The following AP2A2 variants were observed in gnomAD, a reference collection of about 807,000 sequenced individuals.
AP2A2 encodes AP-2 complex subunit alpha-2.
A neutral mutation model predicts 104.2 loss-of-function variants in AP2A2; 32 were observed. The ratio of observed to expected loss-of-function variants is 0.31; its 90% CI spans 0.23 to 0.41. AP2A2 has a LOEUF of 0.41. Ranked by LOEUF, AP2A2 falls within the 10% of genes least tolerant of loss-of-function variation. The probability of loss-of-function intolerance (pLI) is 1.00; values close to 1 mark genes in which losing one functional copy is unlikely to be tolerated. For missense variants in AP2A2, 912 were observed against 1,261.0 expected, an observed-to-expected ratio of 0.72 and a Z score of 4.19; for synonymous variants, 539 against 533.3, an observed-to-expected ratio of 1.01 and a Z score of -0.15.
At chr11:966,435 C>T (rs767414073) in intron 2 of AP2A2, among the ~76,000 whole-genome samples, 1 of 152,134 alleles carries the variant, frequency 6.6e-6, no homozygotes, top group Non-Finnish European at 1.5e-5. Context: ...GAGGTTGAGG[C>T]TGCAGTGAGC....
rs139564168 is a variant in AP2A2 at position 988,346 on chromosome 11, C to T, written c.1132-206C>T. Reference sequence around the variant, plus strand: ...TGGGTCCTAGCGAAGCTGGCCTGTGCGGGAGGGCCGGGCCAGCAGGCGGAA... The same window carrying T: ...TGGGTCCTAGCGAAGCTGGCCTGTGTGGGAGGGCCGGGCCAGCAGGCGGAA... On this transcript the variant is annotated intron_variant, in intron 9 of 21. Transcript: ENST00000448903. Among the ~76,000 whole-genome samples, 98 of 152,324 alleles carry T rather than the reference C, an allele frequency of 6.4e-4. 1 individual carries two copies. Among genetic ancestry groups the T allele is most frequent in the African/African-American group, 1.0e-3 (43 of 41,576 alleles).
intron 1 of AP2A2, among the ~76,000 whole-genome samples, chr11:935,603 G>GTTCTTTTTTTTTTTTTTTT (rs1853428531): frequency 1.3e-5 from 1 of 77,988 alleles, no homozygotes; most frequent in African/African-American, 4.7e-5. Context: ...TGCCCGGCCA[G>GTTCTTTTTTTTTTTTTTTT]TTTTTTTTTT....
intron 1 of AP2A2, among the ~76,000 whole-genome samples, chr11:928,757 G>A (rs913351964): frequency 6.6e-6 from 1 of 152,160 alleles, no homozygotes; most frequent in African/African-American, 2.4e-5. Context: ...TCCTAGCTGG[G>A]GGAGCCAGGT....
intron 14 of AP2A2, among the ~76,000 whole-genome samples, chr11:998,917 C>T (rs1182178404): frequency 6.6e-6 from 1 of 152,140 alleles, no homozygotes; most frequent in African/African-American, 2.4e-5. Flanking sequence ...TGGTCTCAAT[C>T]TTCTGACCTT....
chr11:1,004,017 C>T (rs751176458), intron 16 of AP2A2, among the ~76,000 whole-genome samples: 20 of 132,872 alleles, frequency 1.5e-4, no homozygotes, highest in Non-Finnish European at 2.6e-4. Context: ...GAGGGGGTGG[C>T]GGGGAGGTGG....
At chr11:930,580 G>A (rs932056797) in intron 1 of AP2A2, among the ~76,000 whole-genome samples, 1 of 151,848 alleles carries the variant, frequency 6.6e-6, no homozygotes, top group Non-Finnish European at 1.5e-5. Flanking sequence ...GAGTGCAGTG[G>A]CGCGATCTCG....
intron 1 of AP2A2, among the ~76,000 whole-genome samples, chr11:935,915 T>TC (rs961491910): frequency 1.3e-5 from 2 of 148,314 alleles, no homozygotes; most frequent in Admixed American, 6.7e-5. Flanking sequence ...TTTTTTTTTT[T>TC]CCCCCAGGCG....
At chr11:966,354 C>T (rs560054823) in intron 2 of AP2A2, among the ~76,000 whole-genome samples, 6 of 152,288 alleles carry the variant, frequency 3.9e-5, no homozygotes, top group South Asian at 4.1e-4. Context: ...AAAAATTAGC[C>T]GTGTGTGGTT....
chr11:992,661 C>T lies in AP2A2; in HGVS notation c.1428C>T (p.Gly476=). 1 of 1,613,928 alleles carries T rather than the reference C, an allele frequency of 6.2e-7. No homozygotes were observed. Among genetic ancestry groups the T allele is most frequent in the Non-Finnish European group, 8.5e-7 (1 of 1,179,894 alleles). Residue 476 remains glycine (G), a synonymous_variant, in exon 11 of 22, where the codon GGC becomes GGT. Coordinates refer to ENST00000448903, the MANE Select transcript of AP2A2 (RefSeq NM_012305.4). The surrounding 1 kb of genome is among the most constrained non-coding windows in gnomAD (Gnocchi z 6.4). ...QIVINRDDVQ[G]YAAKTVFEAL... ...TCATCAACCGGGACGACGTGCAGGG[C>T]TACGCGGCCAAGACTGTGTTCGAGG... is the stretch of plus-strand genomic sequence containing the variant.
At chr11:984,595 G>A in intron 6 of AP2A2, 50 bp from the exon 7 acceptor site, 3 of 1,477,398 alleles carry the variant, frequency 2.0e-6, no homozygotes, top group Non-Finnish European at 2.8e-6. Context: ...GGTCCCCGCA[G>A]TAGGGGCTCG....
Position 977,205 on chromosome 11 carries a change from T to A in AP2A2, c.584T>A (p.Leu195Gln), listed in dbSNP as rs1855075142. Residue 195 changes from leucine (L) to glutamine (Q), a missense_variant, in exon 5 of 22, where the codon CTG (leucine) becomes CAG (glutamine). By Grantham distance (113) the Leu-to-Gln change is moderately radical. Transcript: ENST00000448903. ...MGDWTSRVVH[L>Q]LNDQHLGVVT... ...GACTGGACATCCCGAGTGGTGCACCTGCTCAATGACCAGCACTTGGTAAGC... is the reference window on the plus strand; with the variant it reads ...GACTGGACATCCCGAGTGGTGCACCAGCTCAATGACCAGCACTTGGTAAGC... The A allele has an allele frequency of 6.2e-7, 1 of 1,605,484 alleles. No individual in the cohort carries two copies. Among genetic ancestry groups the A allele is most frequent in the African/African-American group, 1.3e-5 (1 of 74,696 alleles).
chr11:944,214 C>T (rs751248068), intron 1 of AP2A2, among the ~76,000 whole-genome samples: 6 of 152,162 alleles, frequency 3.9e-5, no homozygotes, highest in Non-Finnish European at 5.9e-5. Context: ...CTGGTGATCC[C>T]GTCGCTCAGG....
chr11:1,008,788 G>T (rs1238939636), intron 18 of AP2A2: 10 of 425,666 alleles, frequency 2.3e-5, no homozygotes, highest in Non-Finnish European at 4.2e-5. Context: ...TTGTGCAAAT[G>T]CCTTTGCCTT....
At chr11:979,018 A>G (rs946952997) in intron 5 of AP2A2, among the ~76,000 whole-genome samples, 1 of 151,946 alleles carries the variant, frequency 6.6e-6, no homozygotes. Context: ...AGGAGACACC[A>G]TGGGGAGAAG....
intron 16 of AP2A2, among the ~76,000 whole-genome samples, chr11:1,006,022 T>C (rs1856189527): frequency 6.6e-6 from 1 of 152,268 alleles, no homozygotes; most frequent in African/African-American, 2.4e-5. Context: ...TGAGGGCTAG[T>C]GTGCAACACC....
intron 1 of AP2A2, among the ~76,000 whole-genome samples, chr11:947,619 A>G (rs893464957): frequency 6.6e-6 from 1 of 151,870 alleles, no homozygotes; most frequent in African/African-American, 2.4e-5. Context: ...AACATGGCAA[A>G]ACCCCATCTC....
intron 15 of AP2A2, among the ~76,000 whole-genome samples, chr11:1,001,706 T>A (rs900718763): frequency 6.6e-5 from 10 of 151,970 alleles, no homozygotes; most frequent in African/African-American, 2.4e-4. Context: ...TGGCTGCTCC[T>A]CAGTGTCTTG....
At chr11:989,648 A>T (rs1181459794) in intron 10 of AP2A2, among the ~76,000 whole-genome samples, 2 of 152,220 alleles carry the variant, frequency 1.3e-5, no homozygotes, top group African/African-American at 4.8e-5. Context: ...GCTGAAGCTC[A>T]TCAAACCTGT....
intron 1 of AP2A2, among the ~76,000 whole-genome samples, chr11:952,645 T>A (rs1311017192): frequency 6.6e-6 from 1 of 152,166 alleles, no homozygotes; most frequent in African/African-American, 2.4e-5. Flanking sequence ...GGCCAGCGTC[T>A]CTTTAACAAA....
Sources: gnomAD v4.1 joint callset for allele counts (sites outside exome capture counted in the v4.1 genomes callset) on GRCh38, gnomAD v4.1.1 for gene constraint, Gnocchi (gnomAD v3.1) non-coding constraint, MANE v1.5 for transcripts, NCBI Gene and HGNC (gene_info 2026-07-23, HGNC 2026-07-21) for gene names.